The following SKAP2 variants were observed in gnomAD, a reference collection of about 807,000 sequenced individuals.
The protein encoded by SKAP2 is src kinase-associated phosphoprotein 2.
Under a neutral mutation model 54.9 loss-of-function variants are expected in SKAP2, and 28 were observed. That is an observed-to-expected ratio of 0.51 (90% CI 0.38 to 0.70). SKAP2 has a LOEUF of 0.70. Among genes scored for constraint, SKAP2 ranks in the 30% least tolerant of loss-of-function variants. The pLI is 0.00. For missense variants in SKAP2, 356 were observed against 424.1 expected (o/e 0.84, Z 1.41); for synonymous variants, 137 against 134.3 (o/e 1.02, Z -0.14).
intron 4 of SKAP2, among the ~76,000 whole-genome samples, chr7:26,770,528 G>C (rs911096956): frequency 6.6e-6 from 1 of 152,112 alleles, no homozygotes; most frequent in Non-Finnish European, 1.5e-5. Flanking sequence ...CAGCTAGCTC[G>C]GTGTCTGCGC....
At chr7:26,659,212 G>C in the SKAP2 span, among the ~76,000 whole-genome samples, 6 of 152,052 alleles carry the variant, frequency 3.9e-5, no homozygotes, top group African/African-American at 7.2e-5. Flanking sequence ...AATTCTTTGT[G>C]TCTCTCTTAA....
intron 4 of SKAP2, among the ~76,000 whole-genome samples, chr7:26,769,148 T>C (rs1302430812): frequency 6.6e-6 from 1 of 152,284 alleles, no homozygotes; most frequent in Admixed American, 6.5e-5. Context: ...GGAGGCTTTG[T>C]TCCTTTTCAT....
downstream of SKAP2, among the ~76,000 whole-genome samples, chr7:26,662,546 G>T (rs941469288): frequency 6.6e-6 from 1 of 152,086 alleles, no homozygotes; most frequent in African/African-American, 2.4e-5. Context: ...ACTTGGGAAA[G>T]ACTATGTCAA....
At chr7:26,708,281 G>T (rs566656346) in intron 9 of SKAP2, among the ~76,000 whole-genome samples, 41 of 152,214 alleles carry the variant, frequency 2.7e-4, no homozygotes, top group African/African-American at 9.4e-4. Context: ...ATGTTTGCTG[G>T]GGCTTTGGAC....
intron 4 of SKAP2, among the ~76,000 whole-genome samples, chr7:26,802,276 G>T (rs200514672): frequency 1.7e-3 from 168 of 101,762 alleles, no homozygotes; most frequent in East Asian, 0.011. Flanking sequence ...TTTTTTTTTT[G>T]GTTTTTTTTT....
At chr7:26,768,408 T>C (rs996456262) in intron 4 of SKAP2, among the ~76,000 whole-genome samples, 2 of 148,640 alleles carry the variant, frequency 1.3e-5, no homozygotes, top group Non-Finnish European at 2.9e-5. Flanking sequence ...CTTGACTCTT[T>C]ATACAATTTG....
intron 4 of SKAP2, among the ~76,000 whole-genome samples, chr7:26,802,462 G>T (rs1351312422): frequency 6.6e-6 from 1 of 151,862 alleles, no homozygotes; most frequent in Non-Finnish European, 1.5e-5. Context: ...GTAGAGACAG[G>T]GTTTCTCCAT....
At chr7:26,768,998 G>A (rs1218110514) in intron 4 of SKAP2, among the ~76,000 whole-genome samples, 1 of 152,118 alleles carries the variant, frequency 6.6e-6, no homozygotes. Flanking sequence ...TTTGAATGTA[G>A]GCCTGTCTTT....
chr7:26,751,274 A>G (rs1425805943), intron 4 of SKAP2, among the ~76,000 whole-genome samples: 1 of 152,168 alleles, frequency 6.6e-6, no homozygotes. Context: ...ATGAATAAAT[A>G]AACAAGAAAA....
At chr7:26,767,158 C>G (rs900373108) in intron 4 of SKAP2, among the ~76,000 whole-genome samples, 23 of 152,012 alleles carry the variant, frequency 1.5e-4, no homozygotes, top group Non-Finnish European at 2.8e-4. Flanking sequence ...CTGTTATTGG[C>G]CTATTCATGA....
At chr7:26,849,701 AAAG>A (rs1297549043) in intron 3 of SKAP2, among the ~76,000 whole-genome samples, 2 of 151,862 alleles carry the variant, frequency 1.3e-5, no homozygotes, top group Non-Finnish European at 2.9e-5. Context: ...AAAAAAAAAA[AAAG>A]CTGTAGACAC....
chr7:26,828,943 C>T (rs977352255), intron 4 of SKAP2, among the ~76,000 whole-genome samples: 6 of 151,698 alleles, frequency 4.0e-5, no homozygotes, highest in African/African-American at 1.5e-4. Context: ...ACGAGAATCA[C>T]TGGAACCCAG....
intron 4 of SKAP2, among the ~76,000 whole-genome samples, chr7:26,781,300 G>T (rs1435385839): frequency 3.3e-5 from 5 of 151,934 alleles, no homozygotes; most frequent in Admixed American, 1.3e-4. Context: ...CTTTTGTGGG[G>T]TTTTTCCCTA....
intron 4 of SKAP2, among the ~76,000 whole-genome samples, chr7:26,761,440 A>G (rs898622475): frequency 2.6e-5 from 4 of 152,232 alleles, no homozygotes; most frequent in African/African-American, 9.6e-5. Flanking sequence ...TAATCTTATA[A>G]TTCAATGTCT....
In SKAP2 at chr7:26,741,297, G is replaced by A. The variant is rs148921077; in HGVS notation, c.308-1333C>T. 6.3e-3 allele frequency among the ~76,000 whole-genome samples: 950 copies of A among 151,974 alleles called. 10 individuals carry two copies. The highest frequency in any genetic ancestry group is 0.038 in the Middle Eastern group (11 of 292). On this transcript the variant is annotated intron_variant, in intron 4 of 12. Transcript: ENST00000345317. ...TTTGGGAGGCTAAGGAAGGAGGGTC[G>A]CTTGAGCCCAGGAGTTTGACACCAG...
At chr7:26,855,248 G>C (rs1305909449) in intron 1 of SKAP2, 1 of 159,866 alleles carries the variant, frequency 6.3e-6, no homozygotes, top group East Asian at 1.8e-4. Flanking sequence ...TTAAGCATGT[G>C]TTAATATCAT....
At chr7:26,864,297 C>A in intron 1 of SKAP2, 66 bp downstream of exon 1, 1 of 1,598,054 alleles carries the variant, frequency 6.3e-7, no homozygotes, top group East Asian at 2.2e-5. Context: ...ATGCTTCTGT[C>A]CCCACCGGCT....
intron 4 of SKAP2, among the ~76,000 whole-genome samples, chr7:26,777,712 G>A (rs1783342816): frequency 6.6e-6 from 1 of 151,990 alleles, no homozygotes. Context: ...AAATAATGAT[G>A]GTAACAATAT....
intron 4 of SKAP2, among the ~76,000 whole-genome samples, chr7:26,798,970 C>G (rs939259502): frequency 6.7e-6 from 1 of 148,736 alleles, no homozygotes; most frequent in Non-Finnish European, 1.5e-5. Flanking sequence ...AGAAAATTAC[C>G]TTCACTAGAG....
Sources: gnomAD v4.1 joint callset for allele counts (sites outside exome capture counted in the v4.1 genomes callset) on GRCh38, gnomAD v4.1.1 for gene constraint, MANE v1.5 for transcripts, NCBI Gene and HGNC (gene_info 2026-07-23, HGNC 2026-07-21) for gene names.